Variants in CENPE observed in about 807,000 individuals in gnomAD.
CENPE encodes the protein centromere protein E.
Under a neutral mutation model 336.1 loss-of-function variants are expected in CENPE, and 145 were observed. That is an observed-to-expected ratio of 0.43 (90% CI 0.38 to 0.50). CENPE has a LOEUF of 0.50. Among genes scored for constraint, CENPE ranks in the 20% least tolerant of loss-of-function variants. CENPE has a pLI of 0.00. For missense variants in CENPE, 2,719 were observed against 3,023.3 expected (o/e 0.90, Z 2.36); for synonymous variants, 1,013 against 984.8 (o/e 1.03, Z -0.54).
rs1459611309 is a variant in CENPE, at chr4:103,140,072, T to C, written c.5921A>G (p.Glu1974Gly). ...SKDELQKKIQ[E>G]LQKKELQLLR... ...CAGTTGAAGTTCTTTTTTCTGAAGT[T>C]CTTGGATCTTGAGATAATTGTAAAA... The change falls in exon 38 of 49, where the codon GAA becomes GGA. Residue 1974 changes from glutamate to glycine, a missense_variant. Transcript: ENST00000265148. 6.3e-7 allele frequency: 1 copy of C among 1,597,790 alleles called. No homozygotes were observed. The highest frequency in any genetic ancestry group is 1.1e-5 in the South Asian group (1 of 87,674).
chr4:103,116,061 C>G (rs925877543), intron 45 of CENPE, among the ~76,000 whole-genome samples: 3 of 152,100 alleles, frequency 2.0e-5, no homozygotes, highest in African/African-American at 7.2e-5. Context: ...TTTCATTATG[C>G]TATACCACAA....
At chr4:103,167,386 T>A (rs921471564) in intron 16 of CENPE, among the ~76,000 whole-genome samples, 7 of 152,128 alleles carry the variant, frequency 4.6e-5, no homozygotes, top group African/African-American at 1.7e-4. Flanking sequence ...TTCTCTTGCA[T>A]AAGCACCAGG....
intron 42 of CENPE, among the ~76,000 whole-genome samples, chr4:103,126,043 C>T (rs895316184): frequency 2.6e-5 from 4 of 152,018 alleles, no homozygotes; most frequent in Non-Finnish European, 4.4e-5. Context: ...AGCAGAAACC[C>T]TTTGCAGGAA....
rs1309589035 is a variant in CENPE at position 103,145,586 on chromosome 4, C to A, written c.4509G>T (p.Lys1503Asn). The change falls in exon 31 of 49, where the codon AAG becomes AAT. Residue 1503 changes from lysine (K) to asparagine (N), a missense_variant. Physicochemically the swap from Lys to Asn is moderately conservative, Grantham distance 94. This residue lies in a region of CENPE where 2,437 missense variants were observed against 2,513.3 expected (regional missense o/e 0.97). Coordinates refer to ENST00000265148, the MANE Select transcript of CENPE (RefSeq NM_001813.3). ...TTTGAATGGTTGATATTTCAGTTTC[C>A]TTCTCTGAAAGATTCACTCTTAACT... ...INELRVNLSE[K>N]ETEISTIQKQ... 1 of 1,610,412 alleles carries A rather than the reference C, an allele frequency of 6.2e-7. No individual in the cohort carries two copies. Among genetic ancestry groups the A allele is most frequent in the Non-Finnish European group, 8.5e-7 (1 of 1,178,186 alleles).
At chr4:103,163,317 A>C in intron 17 of CENPE, 61 bp from the exon 18 acceptor site, 2 of 1,448,644 alleles carry the variant, frequency 1.4e-6, no homozygotes, top group Non-Finnish European at 1.9e-6. Flanking sequence ...AAGGGATTAA[A>C]ACAGAACTTA....
At position 103,174,813 on chromosome 4, in the gene CENPE, T is replaced by C. The variant is rs780785280; in HGVS notation, c.1570A>G (p.Met524Val). Reference protein sequence around the residue: ...YEQLRTEKEEMELKLKEKNDL... With the variant: ...YEQLRTEKEEVELKLKEKNDL... ...TTCTTTTCTTTTAATTTCAATTCCA[T>C]TTCTTCTTTTTCTGTTCGTAGTTGT... The change falls in exon 16 of 49, where the codon ATG (methionine) becomes GTG (valine). Residue 524 changes from methionine (M) to valine (V), a missense_variant. Met to Val is a conservative substitution (Grantham distance 21). Transcript: ENST00000265148. 6.5e-7 allele frequency: 1 copy of C among 1,550,302 alleles called. No homozygotes were observed. Among genetic ancestry groups the C allele is most frequent in the Non-Finnish European group, 8.7e-7 (1 of 1,147,600 alleles).
In CENPE at chr4:103,159,339, T is replaced by C; in HGVS notation, c.2287-15A>G. 7.4e-7 allele frequency: 1 copy of C among 1,349,860 alleles called. No individual in the cohort carries two copies. The highest frequency in any genetic ancestry group is 9.8e-7 in the Non-Finnish European group (1 of 1,024,632). 83.6% of individuals were successfully genotyped at this position (1,349,860 alleles called of 1,614,324 possible). A position where few individuals can be genotyped will look rare whatever the true frequency, so the allele number is the denominator to read the frequency against. On this transcript the variant is annotated splice_polypyrimidine_tract_variant and intron_variant, in intron 21 of 48. Coordinates refer to ENST00000265148, the MANE Select transcript of CENPE (RefSeq NM_001813.3). Reference sequence around the variant, plus strand: ...TTGTCTTGTATCTATGGAAAAGAAATAAAATTTAGGGATGTTAGCAACATA... The same window carrying C: ...TTGTCTTGTATCTATGGAAAAGAAACAAAATTTAGGGATGTTAGCAACATA...
chr4:103,160,555 T>C (rs1754352845), intron 21 of CENPE, 70 bp downstream of exon 21: 2 of 1,310,484 alleles, frequency 1.5e-6, no homozygotes, highest in African/African-American at 3.0e-5. Flanking sequence ...TATACCAAAA[T>C]ATTTAAGGCA....
Position 103,182,682 on chromosome 4 carries a change from A to G in CENPE, c.963+80T>C. ...ACAGGCGAGTTAATTAAAAAAAACT[A>G]TGCTTAATTTTAGTAGGTAATGTTT... is the stretch of plus-strand genomic sequence containing the variant. On this transcript the variant is annotated intron_variant, in intron 11 of 48. Transcript: ENST00000265148. The G allele has an allele frequency of 3.3e-6, 4 of 1,199,096 alleles. No homozygotes were observed. In the South Asian group the frequency reaches 5.6e-5, roughly 17 times the overall value. 74.3% of individuals were successfully genotyped at this position (1,199,096 alleles called of 1,614,324 possible).
In CENPE at chr4:103,126,128, A is replaced by C. The variant is rs540612077; in HGVS notation, c.6925-3039T>G. On this transcript the variant is annotated intron_variant, in intron 42 of 48. Coordinates refer to ENST00000265148, the MANE Select transcript of CENPE (RefSeq NM_001813.3). ...TCAGTGTGGCAACTCTGAGAGTTAA[A>C]AACTTCGGAGACCTAGTCATACAGT... 3.2e-4 allele frequency among the ~76,000 whole-genome samples: 48 copies of C among 152,202 alleles called. 5 individuals carry two copies. Among genetic ancestry groups the C allele is most frequent in the Admixed American group, 2.4e-3 (36 of 15,302 alleles).
intron 42 of CENPE, among the ~76,000 whole-genome samples, chr4:103,126,642 T>TA (rs111870959): frequency 3.4e-4 from 52 of 151,966 alleles, no homozygotes; most frequent in African/African-American, 1.1e-3. Context: ...ACCAGAAATT[T>TA]AAAAAAAATG....
At position 103,122,952 on chromosome 4, in the gene CENPE, T is replaced by C. The variant is rs199570709; in HGVS notation, c.7062A>G (p.Ala2354=). 1.5e-5 allele frequency: 25 copies of C among 1,614,032 alleles called. No homozygotes were observed. The African/African-American group carries it at 2.3e-4, about 15-fold the overall frequency. Residue 2354 remains alanine (A), a synonymous_variant, in exon 43 of 49, where the codon GCA becomes GCG. Coordinates refer to ENST00000265148, the MANE Select transcript of CENPE (RefSeq NM_001813.3). The part of the protein sequence containing the change: ...KNYQTLKTSL[A]SGAQVNPTTQ... ...TGGTAGGATTAACCTGGGCACCAGA[T>C]GCCAAGGAAGTCTTCAATGTTTGGT...
chr4:103,108,575 C>T (rs894193326), intron 48 of CENPE, among the ~76,000 whole-genome samples: 2 of 147,740 alleles, frequency 1.4e-5, no homozygotes, highest in Non-Finnish European at 3.0e-5. Flanking sequence ...AAACTAAAGG[C>T]TTAAAGGGTA....
chr4:103,122,057 T>C (rs1457581485), intron 43 of CENPE, among the ~76,000 whole-genome samples: 2 of 152,222 alleles, frequency 1.3e-5, no homozygotes, highest in East Asian at 3.8e-4. Context: ...TCATTGAAGA[T>C]TGACCAACTT....
In CENPE at chr4:103,141,119, A is replaced by T; in HGVS notation, c.5464-15T>A. The T allele has an allele frequency of 6.9e-7, 1 of 1,444,610 alleles. No homozygotes were observed. The highest frequency in any genetic ancestry group is 9.4e-7 in the Non-Finnish European group (1 of 1,061,140). 89.5% of individuals were successfully genotyped at this position (1,444,610 alleles called of 1,614,324 possible). ...AGTTCTTGAATCTTAAGATAATCAT[A>T]AAATAATATGTTAGGTGGCTTTTTA... On this transcript the variant is annotated splice_polypyrimidine_tract_variant and intron_variant, in intron 35 of 48. Coordinates refer to ENST00000265148, the MANE Select transcript of CENPE (RefSeq NM_001813.3).
rs755565079 is a variant in CENPE, at chr4:103,153,046, C to T, written c.3237+1G>A. ...GCCAAGTATACAGTGCTAAATCCTACCATTTCAATATTTTCCTTTAGGTCA... is the reference window on the plus strand; with the variant it reads ...GCCAAGTATACAGTGCTAAATCCTATCATTTCAATATTTTCCTTTAGGTCA... On this transcript the variant is annotated splice_donor_variant, in intron 25 of 48. Coordinates refer to ENST00000265148, the MANE Select transcript of CENPE (RefSeq NM_001813.3). LOFTEE classifies it high-confidence loss of function. 1 of 1,605,082 alleles carries T rather than the reference C, an allele frequency of 6.2e-7. No homozygotes were observed. The highest frequency in any genetic ancestry group is 8.5e-7 in the Non-Finnish European group (1 of 1,175,198).
At chr4:103,185,919 A>T (rs1756730134) in intron 8 of CENPE, 58 bp from the exon 9 acceptor site, 1 of 1,159,736 alleles carries the variant, frequency 8.6e-7, no homozygotes, top group Non-Finnish European at 1.3e-6. Context: ...ATAAAATTCA[A>T]ACTACTGAAA....
chr4:103,166,860 A>G (rs957098634), intron 16 of CENPE, among the ~76,000 whole-genome samples: 1 of 152,178 alleles, frequency 6.6e-6, no homozygotes, highest in Non-Finnish European at 1.5e-5. Context: ...AAATAATTTC[A>G]CAGCATCTGT....
At chr4:103,151,998 A>T (rs1210595755) in intron 25 of CENPE, among the ~76,000 whole-genome samples, 1 of 152,338 alleles carries the variant, frequency 6.6e-6, no homozygotes, top group Middle Eastern at 3.4e-3. Context: ...TTCTACTATG[A>T]TCCACAGTGA....
Sources: allele counts gnomAD v4.1 joint callset (sites outside exome capture counted in the v4.1 genomes callset), GRCh38; gene constraint gnomAD v4.1.1; regional missense constraint gnomAD v4.1.1; transcripts MANE v1.5; gene names NCBI Gene and HGNC (gene_info 2026-07-23, HGNC 2026-07-21).